Variants in BTRC observed in about 807,000 individuals in gnomAD.
BTRC encodes the protein beta-transducin repeat containing E3 ubiquitin protein ligase, also known as F-box/WD repeat-containing protein 1A.
A neutral mutation model predicts 85.5 loss-of-function variants in BTRC; 42 were observed. The ratio of observed to expected loss-of-function variants is 0.49; its 90% CI spans 0.38 to 0.64. The LOEUF (loss-of-function observed/expected upper bound fraction) is 0.64. BTRC is among the 30% of genes least tolerant of loss of function. The pLI is 0.00. For synonymous variants in BTRC, 255 were observed against 263.3 expected, an observed-to-expected ratio of 0.97 and a Z score of 0.30; for missense variants, 594 against 743.5, an observed-to-expected ratio of 0.80 and a Z score of 2.34.
At chr10:101,540,112 C>T (rs750095182) in intron 13 of BTRC, among the ~76,000 whole-genome samples, 2 of 152,142 alleles carry the variant, frequency 1.3e-5, no homozygotes, top group Non-Finnish European at 2.9e-5. Context: ...TTTCAAAAAG[C>T]GGTTCTTAAT....
chr10:101,554,032 C>G lies in BTRC; in HGVS notation c.*909C>G, dbSNP rs1293401169. The G allele has an allele frequency of 6.6e-6, 1 of 152,120 alleles. No individual in the cohort carries two copies. 9.4% of individuals were successfully genotyped at this position (152,120 alleles called of 1,614,324 possible). A position where few individuals can be genotyped will look rare whatever the true frequency, so the allele number is the denominator to read the frequency against. On this transcript the variant is annotated 3_prime_UTR_variant, in exon 15 of 15. Transcript: ENST00000370187. ...CTTCTCTCTCTTTCTTCCCCACACC[C>G]AAGAGGAGGATTGGTGGTAGGGGGC...
chr10:101,531,392 A>G (rs1304235795), intron 7 of BTRC, 59 bp downstream of exon 7: 2 of 1,302,202 alleles, frequency 1.5e-6, no homozygotes, highest in African/African-American at 3.0e-5. Context: ...AGCATTCTTC[A>G]GTCACAGTAT....
chr10:101,527,127 T>C (rs2062204525), intron 6 of BTRC, among the ~76,000 whole-genome samples: 1 of 152,204 alleles, frequency 6.6e-6, no homozygotes, highest in African/African-American at 2.4e-5. Context: ...ATAATAGGCA[T>C]GTGTGTGCTT....
intron 1 of BTRC, among the ~76,000 whole-genome samples, chr10:101,367,152 C>T (rs1419380720): frequency 2.1e-5 from 3 of 141,732 alleles, no homozygotes; most frequent in Admixed American, 7.9e-5. Context: ...CTCACTGCAT[C>T]GTCTGCCTCC....
intron 1 of BTRC, among the ~76,000 whole-genome samples, chr10:101,371,709 T>C (rs1260651403): frequency 1.3e-5 from 2 of 152,272 alleles, no homozygotes; most frequent in Admixed American, 1.3e-4. Flanking sequence ...ATAATGCTGC[T>C]ATTTGTATAT....
chr10:101,527,789 CTCA>C (rs2062217910), intron 6 of BTRC, among the ~76,000 whole-genome samples: 1 of 139,088 alleles, frequency 7.2e-6, no homozygotes, highest in African/African-American at 2.6e-5. Flanking sequence ...CTCTCTCTCT[CTCA>C]CATACACACA....
intron 3 of BTRC, among the ~76,000 whole-genome samples, chr10:101,464,788 GC>G (rs1011209680): frequency 1.3e-5 from 2 of 152,174 alleles, no homozygotes; most frequent in Non-Finnish European, 2.9e-5. Context: ...TGTTTTAGCA[GC>G]CCCATGAATG....
intron 1 of BTRC, among the ~76,000 whole-genome samples, chr10:101,371,169 T>G (rs987476248): frequency 4.1e-5 from 6 of 146,294 alleles, no homozygotes; most frequent in Non-Finnish European, 6.1e-5. Flanking sequence ...CTATTCTTTT[T>G]TTTTTGTTTG....
intron 1 of BTRC, among the ~76,000 whole-genome samples, chr10:101,373,051 A>G (rs1046939259): frequency 1.3e-5 from 2 of 152,146 alleles, no homozygotes; most frequent in African/African-American, 4.8e-5. Context: ...AGGTCTTTAT[A>G]TATCTTTTGT....
In BTRC at chr10:101,534,625, C is replaced by T. The variant is rs191014575; in HGVS notation, c.1098-36C>T. ...GTCAAATATAGGTAACAGATTGTAG[C>T]TTGAGTACCATCTAAATCTCATCTA... On this transcript the variant is annotated intron_variant, in intron 9 of 14. Transcript: ENST00000370187. 1,189 of 1,611,552 alleles carry T rather than the reference C, an allele frequency of 7.4e-4. 13 individuals carry two copies. In the African/African-American group the frequency reaches 0.014, roughly 19 times the overall value.
chr10:101,436,487 A>T lies in BTRC; in HGVS notation c.156+6035A>T, dbSNP rs138603635. 2.0e-3 allele frequency among the ~76,000 whole-genome samples: 303 copies of T among 152,288 alleles called. 2 individuals carry two copies. The East Asian group carries it at 0.039, about 19-fold the overall frequency. On this transcript the variant is annotated intron_variant, in intron 2 of 14. Transcript: ENST00000370187. ...TAGTGAGACCCTGTCTCTACAAAAA[A>T]TTAGCTGGGTGTGGTGGTACTCACC...
intron 3 of BTRC, among the ~76,000 whole-genome samples, chr10:101,471,455 G>A (rs538495382): frequency 1.3e-5 from 2 of 152,166 alleles, no homozygotes; most frequent in South Asian, 2.1e-4. Context: ...TTTTGCCCCC[G>A]TTATTCTGTT....
rs2062732493 is a variant in BTRC, at chr10:101,557,150, GACT to G, written c.*4028_*4030del. 6.6e-6 allele frequency: 1 copy of G among 152,052 alleles called. No individual in the cohort carries two copies. The highest frequency in any genetic ancestry group is 2.4e-5 in the African/African-American group (1 of 41,410). 9.4% of individuals were successfully genotyped at this position (152,052 alleles called of 1,614,324 possible). ...AGCTGGTTCACCTCTTTGTTCTCTA[GACT>G]CTTAAGTACTGACTGCTTTGACTTT... On this transcript the variant is annotated 3_prime_UTR_variant, in exon 15 of 15. Coordinates refer to ENST00000370187, the MANE Select transcript of BTRC (RefSeq NM_033637.4).
intron 4 of BTRC, among the ~76,000 whole-genome samples, chr10:101,509,828 C>G (rs1946653285): frequency 6.7e-6 from 1 of 148,352 alleles, no homozygotes; most frequent in Admixed American, 6.8e-5. Context: ...TCCCAAAATT[C>G]TGGGATTACA....
At chr10:101,388,985 T>C (rs1052753485) in intron 1 of BTRC, among the ~76,000 whole-genome samples, 2 of 152,180 alleles carry the variant, frequency 1.3e-5, no homozygotes, top group Non-Finnish European at 2.9e-5. Context: ...CCTTTTGCTT[T>C]GAAATACCAT....
At chr10:101,470,164 TA>T (rs1408616893) in intron 3 of BTRC, among the ~76,000 whole-genome samples, 1 of 152,188 alleles carries the variant, frequency 6.6e-6, no homozygotes, top group Non-Finnish European at 1.5e-5. Flanking sequence ...TTTGCCTTTT[TA>T]TTATTGAGTT....
At chr10:101,538,226 C>T (rs529601997) in intron 12 of BTRC, 67 bp from the exon 13 acceptor site, 16 of 1,287,664 alleles carry the variant, frequency 1.2e-5, no homozygotes, top group South Asian at 3.6e-5. Flanking sequence ...TGAATTTCTG[C>T]TATTCTTCCC....
chr10:101,394,356 G>T (rs1943312166), intron 1 of BTRC, among the ~76,000 whole-genome samples: 1 of 152,060 alleles, frequency 6.6e-6, no homozygotes, highest in Non-Finnish European at 1.5e-5. Context: ...TGGAGGTTGG[G>T]GGACATGTAG....
At chr10:101,456,569 T>C (rs1238249130) in intron 2 of BTRC, among the ~76,000 whole-genome samples, 1 of 152,232 alleles carries the variant, frequency 6.6e-6, no homozygotes, top group African/African-American at 2.4e-5. Flanking sequence ...CTGAATACTT[T>C]TTTAATATAA....
Sources: gnomAD v4.1 joint callset for allele counts (sites outside exome capture counted in the v4.1 genomes callset) on GRCh38, gnomAD v4.1.1 for gene constraint, MANE v1.5 for transcripts, NCBI Gene and HGNC (gene_info 2026-07-23, HGNC 2026-07-21) for gene names.